LNX1: variants seen among roughly 807,000 people sequenced by gnomAD.
The protein encoded by LNX1 is E3 ubiquitin-protein ligase LNX.
LNX1 carries 54 observed loss-of-function variants against 68.4 expected under a neutral mutation model. The observed-to-expected ratio is 0.79, with a 90% CI of 0.63 to 0.99. LNX1 has a LOEUF of 0.99. Ranked by LOEUF, LNX1 falls within the 50% of genes least tolerant of loss-of-function variation. The pLI is 0.00. For missense variants in LNX1, 906 were observed against 926.4 expected (o/e 0.98, Z 0.29); for synonymous variants, 336 against 350.0 (o/e 0.96, Z 0.45).
At chr4:53,527,582 G>A (rs2109603762) in intron 2 of LNX1, among the ~76,000 whole-genome samples, 1 of 152,332 alleles carries the variant, frequency 6.6e-6, no homozygotes, top group Non-Finnish European at 1.5e-5. Context: ...CTGCATTCAT[G>A]CATAGGAAAT....
rs142190654 is a variant in LNX1, at chr4:53,498,668, C to G, written c.951G>C (p.Arg317=). 3.1e-5 allele frequency: 50 copies of G among 1,613,970 alleles called. No individual in the cohort carries two copies. The highest frequency in any genetic ancestry group is 3.4e-6 in the Non-Finnish European group (4 of 1,179,962). The change falls in exon 5 of 11, where the codon CGG becomes CGC. Residue 317 remains arginine, a synonymous_variant. Transcript: ENST00000263925. ...TTAGAATGATGTCTCCTGGCAGTAG[C>G]CGGCCGTCTCTGGCGATCACCCCAT... ...YRDGVIARDG[R]LLPGDIILKV...
intron 6 of LNX1, among the ~76,000 whole-genome samples, chr4:53,492,865 A>G (rs993006915): frequency 6.6e-6 from 1 of 152,182 alleles, no homozygotes; most frequent in Non-Finnish European, 1.5e-5. Context: ...CCTTATCCAC[A>G]GGAAGATATG....
At chr4:53,637,281 T>C (rs1246055486) in intron 1 of LNX1, among the ~76,000 whole-genome samples, 1 of 151,986 alleles carries the variant, frequency 6.6e-6, no homozygotes, top group Non-Finnish European at 1.5e-5. Context: ...TCTCAAACTC[T>C]TGGGGATCTC....
chr4:53,576,179 A>C, intron 1 of LNX1: 1 of 1,579,138 alleles, frequency 6.3e-7, no homozygotes, highest in East Asian at 2.3e-5. Flanking sequence ...GCTGACTTTC[A>C]GTGGTGGGTG....
chr4:53,509,408 C>T (rs970527423), intron 2 of LNX1, among the ~76,000 whole-genome samples: 1 of 152,134 alleles, frequency 6.6e-6, no homozygotes, highest in African/African-American at 2.4e-5. Context: ...GTCAGTCTAC[C>T]GTGATATGCA....
rs1346937687 is a variant in LNX1 at position 53,498,720 on chromosome 4, T to C, written c.899A>G (p.His300Arg). Residue 300 changes from histidine (H) to arginine (R), a missense_variant, in exon 5 of 11, where the codon CAT (histidine) becomes CGT (arginine). His to Arg is a conservative substitution (Grantham distance 29, BLOSUM62 0). Transcript: ENST00000263925. The part of the protein sequence containing the change: ...LVGGSETPLV[H>R]IIIQHIYRDG... The stretch of plus-strand genomic sequence containing the variant: ...ACGATAAATGTGTTGGATAATGATA[T>C]GGACCAGTGGGGTTTCGCTACCTCC... 44 of 1,613,982 alleles carry C rather than the reference T, an allele frequency of 2.7e-5. No homozygotes were observed. The highest frequency in any genetic ancestry group is 4.0e-5 in the African/African-American group (3 of 74,924).
At chr4:53,572,881 A>C (rs1465125946) in intron 2 of LNX1, among the ~76,000 whole-genome samples, 2 of 152,208 alleles carry the variant, frequency 1.3e-5, no homozygotes, top group African/African-American at 4.8e-5. Context: ...AAAGTTTCCT[A>C]AATTTCTCCT....
chr4:53,490,973 C>T (rs1314513820), intron 6 of LNX1, among the ~76,000 whole-genome samples: 3 of 152,076 alleles, frequency 2.0e-5, no homozygotes, highest in Non-Finnish European at 4.4e-5. Flanking sequence ...GTTTAGTAAG[C>T]AAAAGAATCT....
intron 2 of LNX1, among the ~76,000 whole-genome samples, chr4:53,608,628 A>G (rs1229385866): frequency 2.0e-5 from 3 of 152,206 alleles, no homozygotes; most frequent in Non-Finnish European, 4.4e-5. Context: ...ACCAGAAGGA[A>G]TATAAATTTT....
intron 6 of LNX1, among the ~76,000 whole-genome samples, chr4:53,483,621 G>T (rs1417701779): frequency 3.9e-5 from 6 of 152,198 alleles, no homozygotes; most frequent in African/African-American, 1.4e-4. Context: ...TGATTAGAAA[G>T]ATTCCCAAGA....
intron 4 of LNX1, among the ~76,000 whole-genome samples, chr4:53,505,223 T>A (rs1408230878): frequency 1.3e-5 from 2 of 152,046 alleles, no homozygotes; most frequent in Admixed American, 1.3e-4. Context: ...GTTTTATAAA[T>A]GTTTTTGTAA....
chr4:53,632,739 T>A (rs977936564), intron 1 of LNX1, among the ~76,000 whole-genome samples: 1 of 152,314 alleles, frequency 6.6e-6, no homozygotes, highest in Middle Eastern at 3.4e-3. Flanking sequence ...TTTGGAATTA[T>A]ATTGGGATCT....
intron 1 of LNX1, among the ~76,000 whole-genome samples, chr4:53,627,458 T>G (rs1220292026): frequency 6.6e-6 from 1 of 152,226 alleles, no homozygotes; most frequent in Non-Finnish European, 1.5e-5. Flanking sequence ...GACTCTCACA[T>G]TATTTCAATG....
At chr4:53,636,121 G>A (rs1413665329) in intron 1 of LNX1, among the ~76,000 whole-genome samples, 1 of 147,078 alleles carries the variant, frequency 6.8e-6, no homozygotes, top group African/African-American at 2.5e-5. Context: ...TGAGGACAAT[G>A]CCTGCAATTC....
chr4:53,464,243 T>TTAA (rs1465541557), intron 9 of LNX1, among the ~76,000 whole-genome samples: 1 of 152,110 alleles, frequency 6.6e-6, no homozygotes, highest in African/African-American at 2.4e-5. Flanking sequence ...GACCATTAAC[T>TTAA]TAATAGATTC....
At chr4:53,470,949 C>A (rs1164519726) in intron 9 of LNX1, among the ~76,000 whole-genome samples, 2 of 151,322 alleles carry the variant, frequency 1.3e-5, no homozygotes, top group Non-Finnish European at 2.9e-5. Flanking sequence ...CCATCCCCAT[C>A]GAGCTACCAA....
At chr4:53,591,310 A>G (rs1732492066) in intron 1 of LNX1, 78 bp downstream of exon 1, 2 of 879,394 alleles carry the variant, frequency 2.3e-6, no homozygotes, top group South Asian at 5.2e-5. Flanking sequence ...GTATTTTTTC[A>G]TTCAAATTCC....
intron 9 of LNX1, among the ~76,000 whole-genome samples, chr4:53,468,108 A>T (rs183997224): frequency 7.2e-5 from 11 of 152,344 alleles, no homozygotes; most frequent in Admixed American, 5.9e-4. Context: ...CGGGTTACCC[A>T]CAAAGGGAAG....
intron 2 of LNX1, among the ~76,000 whole-genome samples, chr4:53,519,052 C>T (rs1189157968): frequency 6.6e-6 from 1 of 152,182 alleles, no homozygotes; most frequent in Non-Finnish European, 1.5e-5. Flanking sequence ...ATCATTGCTG[C>T]ATGCCTCATA....
Sources: allele counts gnomAD v4.1 joint callset (sites outside exome capture counted in the v4.1 genomes callset), GRCh38; gene constraint gnomAD v4.1.1; transcripts MANE v1.5; gene names NCBI Gene and HGNC (gene_info 2026-07-23, HGNC 2026-07-21).